The following RFX8 variants were observed in gnomAD, a reference collection of about 807,000 sequenced individuals.
RFX8 encodes DNA-binding protein RFX8.
A neutral mutation model predicts 54.6 loss-of-function variants in RFX8; 46 were observed. The observed-to-expected ratio is 0.84, with a 90% CI of 0.67 to 1.08. RFX8 has a LOEUF of 1.08. RFX8 is among the 50% of genes least tolerant of loss of function. RFX8 has a pLI of 0.00. For synonymous variants in RFX8, 192 were observed against 209.5 expected (o/e 0.92, Z 0.72); for missense variants, 536 against 562.3 (o/e 0.95, Z 0.47).
chr2:101,408,894 G>T (rs1249880825), intron 9 of RFX8, among the ~76,000 whole-genome samples: 1 of 152,154 alleles, frequency 6.6e-6, no homozygotes, highest in African/African-American at 2.4e-5. Context: ...ATACAGACAA[G>T]GCCAGGCAGG....
At chr2:101,399,013 T>A (rs914893530) in intron 11 of RFX8, among the ~76,000 whole-genome samples, 3 of 152,214 alleles carry the variant, frequency 2.0e-5, no homozygotes, top group Admixed American at 1.3e-4. Context: ...AATCCTGGAG[T>A]ACATGACCTA....
At chr2:101,401,120 T>C (rs1415898457) in intron 11 of RFX8, among the ~76,000 whole-genome samples, 1 of 152,142 alleles carries the variant, frequency 6.6e-6, no homozygotes, top group Non-Finnish European at 1.5e-5. Flanking sequence ...GAGTTTCTCA[T>C]TTACAGACAA....
chr2:101,421,331 A>T, intron 4 of RFX8: 3 of 991,606 alleles, frequency 3.0e-6, no homozygotes, highest in Non-Finnish European at 3.6e-6. Context: ...CAGATCACTC[A>T]GCTGCGAAGT....
At chr2:101,406,694 G>A (rs544513396) in intron 9 of RFX8, among the ~76,000 whole-genome samples, 6 of 152,278 alleles carry the variant, frequency 3.9e-5, no homozygotes, top group South Asian at 2.1e-4. Context: ...CAGAAACACC[G>A]TAGGGACAGC....
intron 2 of RFX8, among the ~76,000 whole-genome samples, chr2:101,442,570 C>T (rs1041941350): frequency 1.3e-5 from 2 of 151,784 alleles, no homozygotes; most frequent in African/African-American, 4.8e-5. Context: ...TTCCTTCTGG[C>T]TTTCTTGGTG....
At chr2:101,473,407 AT>A (rs202094851) in intron 1 of RFX8, among the ~76,000 whole-genome samples, 1 of 151,632 alleles carries the variant, frequency 6.6e-6, no homozygotes, top group African/African-American at 2.4e-5. Context: ...TATTCATTTG[AT>A]TTTTTTTCCT....
intron 2 of RFX8, among the ~76,000 whole-genome samples, chr2:101,465,843 G>C (rs1286496847): frequency 4.6e-5 from 7 of 152,142 alleles, no homozygotes; most frequent in Admixed American, 4.6e-4. Context: ...CACATCTGAG[G>C]GACTGCGTTG....
chr2:101,464,310 G>T (rs1050418784), intron 2 of RFX8, among the ~76,000 whole-genome samples: 2 of 152,176 alleles, frequency 1.3e-5, no homozygotes, highest in African/African-American at 4.8e-5. Flanking sequence ...ATCAGCAAAT[G>T]TTATTTCAAA....
chr2:101,466,798 G>A lies in RFX8; in HGVS notation c.51C>T (p.Val17=). 1 of 1,551,446 alleles carries A rather than the reference G, an allele frequency of 6.4e-7. No homozygotes were observed. Among genetic ancestry groups the A allele is most frequent in the South Asian group, 1.2e-5 (1 of 84,054 alleles). ...ETCGQNTENQ[V]NPATFGKCED... is the part of the protein sequence containing the mutation. ...TTACCTTCCCAAAGGTGGCCGGGTT[G>A]ACTTGGTTCTCAGTGTTTTGCCCAC... The change falls in exon 2 of 12, where the codon GTC becomes GTT. Residue 17 remains valine, a synonymous_variant. Transcript: ENST00000428343.
chr2:101,470,783 G>T (rs570517974), intron 1 of RFX8, among the ~76,000 whole-genome samples: 83 of 142,410 alleles, frequency 5.8e-4, no homozygotes, highest in African/African-American at 1.5e-3. Context: ...GCAGTGGCGC[G>T]ATCTCGGCTT....
At chr2:101,418,227 T>C (rs560963103) in intron 5 of RFX8, among the ~76,000 whole-genome samples, 2 of 152,130 alleles carry the variant, frequency 1.3e-5, no homozygotes, top group East Asian at 3.8e-4. Context: ...GATTCAAGTA[T>C]TTTTTTAAAA....
In RFX8 at chr2:101,416,074, T is replaced by C. The variant is rs116343569; in HGVS notation, c.503-1162A>G. 7.8e-3 allele frequency among the ~76,000 whole-genome samples: 1,186 copies of C among 151,714 alleles called. 21 individuals are homozygous for C. The highest frequency in any genetic ancestry group is 0.026 in the African/African-American group (1,086 of 41,336). On this transcript the variant is annotated intron_variant, in intron 6 of 11. Transcript: ENST00000428343. ...AGGGATGGGGCCAGAGGCCAAACTG[T>C]GAATGACTGCACAGCAGTGGAGGAG...
chr2:101,399,626 G>A (rs78008384), intron 11 of RFX8, among the ~76,000 whole-genome samples: 2,347 of 152,280 alleles, frequency 0.015, 28 homozygotes, highest in Non-Finnish European at 0.023. Flanking sequence ...AAATAATAAC[G>A]ATGACCAGTG....
At chr2:101,472,960 A>G (rs1690092737) in intron 1 of RFX8, among the ~76,000 whole-genome samples, 2 of 152,186 alleles carry the variant, frequency 1.3e-5, no homozygotes, top group African/African-American at 2.4e-5. Flanking sequence ...CGGAGGTCAC[A>G]GTGAACCAAG....
At chr2:101,403,060 G>A (rs1685539988) in intron 10 of RFX8, among the ~76,000 whole-genome samples, 1 of 152,190 alleles carries the variant, frequency 6.6e-6, no homozygotes, top group Non-Finnish European at 1.5e-5. Context: ...TGCTCCCAGA[G>A]CTGGAGAGGG....
chr2:101,403,712 AG>A (rs1402201147), intron 10 of RFX8, among the ~76,000 whole-genome samples: 1 of 152,184 alleles, frequency 6.6e-6, no homozygotes, highest in Non-Finnish European at 1.5e-5. Context: ...GCTTGAACCC[AG>A]GAGGCGGAGG....
rs147184834 is a variant in RFX8, at chr2:101,464,944, T to C, written c.72+1833A>G. Among the ~76,000 whole-genome samples, 504 of 152,288 alleles carry C rather than the reference T, an allele frequency of 3.3e-3. 5 individuals are homozygous for C. Among genetic ancestry groups the C allele is most frequent in the African/African-American group, 0.012 (485 of 41,566 alleles). On this transcript the variant is annotated intron_variant, in intron 2 of 11. Transcript: ENST00000428343. ...ACTTCCCTCTGATAAGGGTGGTAGATGGCTGGATGGGAAAAGGCTGCAGGG... is the reference window on the plus strand; with the variant it reads ...ACTTCCCTCTGATAAGGGTGGTAGACGGCTGGATGGGAAAAGGCTGCAGGG...
intron 2 of RFX8, among the ~76,000 whole-genome samples, chr2:101,423,259 C>CAA (rs10686930): frequency 0.36 from 34,315 of 96,438 alleles, 5,073 homozygotes; most frequent in Middle Eastern, 0.43. Flanking sequence ...AACTCCATCT[C>CAA]AAAAAAAAAA....
intron 2 of RFX8, among the ~76,000 whole-genome samples, chr2:101,424,338 G>C (rs745309385): frequency 6.6e-6 from 1 of 152,200 alleles, no homozygotes; most frequent in Non-Finnish European, 1.5e-5. Flanking sequence ...ACACCAGTTA[G>C]AATGGTGATC....
Sources: gnomAD v4.1 joint callset for allele counts (sites outside exome capture counted in the v4.1 genomes callset) on GRCh38, gnomAD v4.1.1 for gene constraint, MANE v1.5 for transcripts, NCBI Gene and HGNC (gene_info 2026-07-23, HGNC 2026-07-21) for gene names.